Variants in HNF4G observed in about 807,000 individuals in gnomAD.
HNF4G encodes the protein hepatocyte nuclear factor 4-gamma.
HNF4G carries 21 observed loss-of-function variants against 50.9 expected under a neutral mutation model. That is an observed-to-expected ratio of 0.41 (90% CI 0.29 to 0.59). The LOEUF (loss-of-function observed/expected upper bound fraction) is 0.59. Among genes scored for constraint, HNF4G ranks in the 20% least tolerant of loss-of-function variants. The probability of loss-of-function intolerance (pLI) is 0.26; values close to 1 mark genes in which losing one functional copy is unlikely to be tolerated. For synonymous variants in HNF4G, 198 were observed against 185.6 expected, an observed-to-expected ratio of 1.07 and a Z score of -0.54; for missense variants, 527 against 559.4, an observed-to-expected ratio of 0.94 and a Z score of 0.58.
chr8:75,470,997 G>C (rs1812100826), intron 1 of HNF4G, among the ~76,000 whole-genome samples: 1 of 152,140 alleles, frequency 6.6e-6, no homozygotes, highest in Non-Finnish European at 1.5e-5. Context: ...CATACATTCA[G>C]TGAGTTACTG....
chr8:75,520,101 A>T (rs1806001068), intron 2 of HNF4G, among the ~76,000 whole-genome samples: 1 of 152,042 alleles, frequency 6.6e-6, no homozygotes, highest in East Asian at 1.9e-4. Flanking sequence ...CTTAGATATT[A>T]TAAGTGCTTT....
chr8:75,411,034 T>A (rs931406868), intron 1 of HNF4G, among the ~76,000 whole-genome samples: 3 of 152,224 alleles, frequency 2.0e-5, no homozygotes, highest in Admixed American at 6.5e-5. Flanking sequence ...AACAATCCTG[T>A]GCTGTTCATA....
At chr8:75,443,557 C>A (rs186003919) in intron 1 of HNF4G, among the ~76,000 whole-genome samples, 2 of 152,252 alleles carry the variant, frequency 1.3e-5, no homozygotes, top group East Asian at 3.9e-4. Context: ...ATGAGAGTCT[C>A]ACTATGTTGC....
intron 1 of HNF4G, 24 bp downstream of exon 1, chr8:75,540,104 T>G: frequency 7.7e-7 from 1 of 1,304,412 alleles, no homozygotes; most frequent in Non-Finnish European, 1.1e-6. Context: ...TGTTTATAGA[T>G]GTAAAGAAAA....
intron 1 of HNF4G, among the ~76,000 whole-genome samples, chr8:75,410,329 G>T (rs1469210604): frequency 6.6e-6 from 1 of 151,978 alleles, no homozygotes; most frequent in Non-Finnish European, 1.5e-5. Flanking sequence ...ATATAATAAT[G>T]ATTTATTTAG....
intron 2 of HNF4G, among the ~76,000 whole-genome samples, chr8:75,529,136 A>G (rs1414872919): frequency 6.6e-6 from 1 of 152,056 alleles, no homozygotes; most frequent in African/African-American, 2.4e-5. Flanking sequence ...AATACAAAAA[A>G]AAAAATTAGC....
At chr8:75,432,282 G>A (rs1260810003) in intron 1 of HNF4G, among the ~76,000 whole-genome samples, 2 of 148,126 alleles carry the variant, frequency 1.4e-5, no homozygotes, top group African/African-American at 5.1e-5. Flanking sequence ...GGGAAAAGAT[G>A]TATCAAAATA....
At chr8:75,473,512 A>T (rs1324761455) in intron 1 of HNF4G, among the ~76,000 whole-genome samples, 1 of 152,212 alleles carries the variant, frequency 6.6e-6, no homozygotes, top group African/African-American at 2.4e-5. Context: ...GTTTTGTGGG[A>T]AAATAGTGAG....
At chr8:75,537,107 A>G (rs1012766412), upstream of HNF4G, among the ~76,000 whole-genome samples, 2 of 152,156 alleles carry the variant, frequency 1.3e-5, no homozygotes, top group African/African-American at 4.8e-5. Flanking sequence ...TACCAATTTT[A>G]TGCACTTATC....
chr8:75,485,402 A>G (rs1812476582), intron 1 of HNF4G, among the ~76,000 whole-genome samples: 1 of 152,202 alleles, frequency 6.6e-6, no homozygotes, highest in African/African-American at 2.4e-5. Context: ...TTTCTGAACA[A>G]TTTAACCCAA....
chr8:75,549,509 A>T (rs1007218119), intron 3 of HNF4G, among the ~76,000 whole-genome samples: 2 of 151,874 alleles, frequency 1.3e-5, no homozygotes, highest in African/African-American at 4.8e-5. Flanking sequence ...TTAAAATAAA[A>T]TATTACTGAT....
At chr8:75,526,156 C>T (rs1043848711) in intron 2 of HNF4G, among the ~76,000 whole-genome samples, 1 of 148,690 alleles carries the variant, frequency 6.7e-6, no homozygotes, top group African/African-American at 2.5e-5. Context: ...AGAGATAGGG[C>T]CTCACTCTGT....
At chr8:75,480,680 A>T (rs1812353968) in intron 1 of HNF4G, among the ~76,000 whole-genome samples, 1 of 151,694 alleles carries the variant, frequency 6.6e-6, no homozygotes, top group Admixed American at 6.6e-5. Context: ...TTGAACAAGT[A>T]ACTTCGTTTC....
intron 1 of HNF4G, among the ~76,000 whole-genome samples, chr8:75,448,526 A>T (rs114465663): frequency 0.012 from 1,872 of 150,690 alleles, 46 homozygotes; most frequent in African/African-American, 0.043. Flanking sequence ...AAAAAAAAGA[A>T]AACCTAATAT....
At chr8:75,521,689 GT>G (rs1454949609) in intron 2 of HNF4G, among the ~76,000 whole-genome samples, 1 of 152,042 alleles carries the variant, frequency 6.6e-6, no homozygotes, top group African/African-American at 2.4e-5. Flanking sequence ...GATATATCTT[GT>G]TTCCTTTTGA....
chr8:75,504,523 T>A (rs934062864), intron 2 of HNF4G, among the ~76,000 whole-genome samples: 18 of 152,004 alleles, frequency 1.2e-4, no homozygotes, highest in Admixed American at 1.2e-3. Context: ...CATATACTTT[T>A]TGGGGGAGGG....
At chr8:75,518,358 TA>T (rs1805948930) in intron 2 of HNF4G, among the ~76,000 whole-genome samples, 1 of 151,736 alleles carries the variant, frequency 6.6e-6, no homozygotes, top group Non-Finnish European at 1.5e-5. Context: ...CATGGAGAAA[TA>T]GGAACACTTT....
At chr8:75,544,121 G>C (rs1254457110) in intron 2 of HNF4G, 142 bp downstream of exon 2, 2 of 651,450 alleles carry the variant, frequency 3.1e-6, no homozygotes, top group Non-Finnish European at 5.1e-6. Flanking sequence ...AAGTAAGAAC[G>C]TGTGGGTATG....
At chr8:75,449,737 G>C (rs896442278) in intron 1 of HNF4G, among the ~76,000 whole-genome samples, 6 of 152,002 alleles carry the variant, frequency 3.9e-5, no homozygotes, top group African/African-American at 1.4e-4. Flanking sequence ...TCGATCTCCT[G>C]ACCTCGTGAT....
Sources: gnomAD v4.1 joint callset for allele counts (sites outside exome capture counted in the v4.1 genomes callset) on GRCh38, gnomAD v4.1.1 for gene constraint, MANE v1.5 for transcripts, NCBI Gene and HGNC (gene_info 2026-07-23, HGNC 2026-07-21) for gene names.